WDHD1: variants seen among roughly 807,000 people sequenced by gnomAD.
WDHD1 encodes the protein WD repeat and HMG-box DNA-binding protein 1.
A neutral mutation model predicts 135.4 loss-of-function variants in WDHD1; 111 were observed. The ratio of observed to expected loss-of-function variants is 0.82; its 90% CI spans 0.70 to 0.96. The LOEUF (loss-of-function observed/expected upper bound fraction) is 0.96, where lower values mean the gene tolerates loss of function less well. Ranked by LOEUF, WDHD1 falls within the 40% of genes least tolerant of loss-of-function variation. The pLI is 0.00. For missense variants in WDHD1, 1,351 were observed against 1,336.3 expected (o/e 1.01, Z -0.17); for synonymous variants, 434 against 439.0 (o/e 0.99, Z 0.14).
intron 18 of WDHD1, 93 bp downstream of exon 18, chr14:54,966,382 G>T: frequency 1.4e-6 from 2 of 1,396,804 alleles, no homozygotes; most frequent in Non-Finnish European, 1.9e-6. Flanking sequence ...ATCTTAGGTT[G>T]TGGGACTTAG....
intron 3 of WDHD1, among the ~76,000 whole-genome samples, chr14:55,010,920 CAG>C (rs2042158151): frequency 6.6e-6 from 1 of 152,202 alleles, no homozygotes; most frequent in African/African-American, 2.4e-5. Context: ...GCATCCATGC[CAG>C]AGACTGCAGT....
chr14:54,965,346 T>C (rs904344060), intron 18 of WDHD1, among the ~76,000 whole-genome samples: 2 of 152,122 alleles, frequency 1.3e-5, no homozygotes, highest in South Asian at 4.1e-4. Flanking sequence ...CAAAGATAAA[T>C]GTACTTAAAT....
At chr14:55,024,742 C>T (rs1324961967) in intron 2 of WDHD1, among the ~76,000 whole-genome samples, 6 of 144,800 alleles carry the variant, frequency 4.1e-5, no homozygotes, top group South Asian at 2.4e-4. Flanking sequence ...GGATTAAGGG[C>T]GGTGCAAGAT....
chr14:54,945,836 G>A lies in WDHD1; in HGVS notation c.3051-1366C>T, dbSNP rs1326732983. On this transcript the variant is annotated intron_variant, in intron 24 of 25. Transcript: ENST00000360586. ...TTACAGGCGTGAGCCACTGTGCCTGGCCCAGAGTCTCTTATGTTTAACCCA... is the reference window on the plus strand; with the variant it reads ...TTACAGGCGTGAGCCACTGTGCCTGACCCAGAGTCTCTTATGTTTAACCCA... 3.3e-5 allele frequency among the ~76,000 whole-genome samples: 5 copies of A among 152,252 alleles called. No individual in the cohort carries two copies. The East Asian group carries it at 7.7e-4, about 24-fold the overall frequency.
At chr14:54,956,929 T>C (rs1595064575) in intron 23 of WDHD1, 105 bp downstream of exon 23, 12 of 1,399,712 alleles carry the variant, frequency 8.6e-6, no homozygotes, top group Middle Eastern at 1.9e-4. Context: ...GCAAGACAAT[T>C]GTAAACAATC....
At chr14:54,987,464 T>C (rs755444518) in intron 13 of WDHD1, 77 bp from the exon 14 acceptor site, 34 of 1,300,864 alleles carry the variant, frequency 2.6e-5, no homozygotes, top group Non-Finnish European at 3.4e-5. Context: ...GCAATCATGA[T>C]ATTCAACAAA....
chr14:54,941,818 T>C (rs2040843535), intron 25 of WDHD1, 128 bp from the exon 26 acceptor site: 1 of 760,032 alleles, frequency 1.3e-6, no homozygotes, highest in South Asian at 2.2e-5. Flanking sequence ...TTGAATTAAG[T>C]GTTCTCATTG....
intron 10 of WDHD1, among the ~76,000 whole-genome samples, chr14:54,999,069 C>A (rs117236077): frequency 6.6e-6 from 1 of 152,178 alleles, no homozygotes; most frequent in Non-Finnish European, 1.5e-5. Context: ...TCTCTCTTTA[C>A]GTCTTTTCTC....
chr14:54,944,240 A>G, intron 25 of WDHD1, 92 bp downstream of exon 25: 2 of 1,532,924 alleles, frequency 1.3e-6, no homozygotes, highest in Non-Finnish European at 1.8e-6. Flanking sequence ...TTACAGGCAT[A>G]AGACACCATA....
At chr14:55,015,294 T>C (rs181662781) in intron 2 of WDHD1, among the ~76,000 whole-genome samples, 106 of 141,428 alleles carry the variant, frequency 7.5e-4, no homozygotes, top group Non-Finnish European at 1.1e-3. Context: ...GGCTGAGGCA[T>C]GAGAATCATT....
chr14:54,991,544 G>A (rs895004042), intron 11 of WDHD1, 144 bp from the exon 12 acceptor site: 1 of 791,708 alleles, frequency 1.3e-6, no homozygotes, highest in Non-Finnish European at 1.9e-6. Flanking sequence ...TTAAAGAGAT[G>A]CAGTGATGGT....
rs771946439 is a variant in WDHD1 at position 54,987,250 on chromosome 14, C to T, written c.1664G>A (p.Arg555Gln). ...AAAATSALLL[R>Q]LFTIGGVQKE... ...TTGAACCCCTCCAATAGTAAACAATCGAAGAAGCAGGGCACTAGTAGCGGC... is the reference window on the plus strand; with the variant it reads ...TTGAACCCCTCCAATAGTAAACAATTGAAGAAGCAGGGCACTAGTAGCGGC... The change falls in exon 14 of 26, where the codon CGA becomes CAA. Residue 555 changes from arginine to glutamine, a missense_variant. Arg to Gln is a conservative substitution (Grantham distance 43). Around this residue, in one of 2 missense-constraint regions of WDHD1, gnomAD observed 1,330 missense variants for 1,296.1 expected, o/e 1.03. Transcript: ENST00000360586. The T allele has an allele frequency of 5.6e-6, 9 of 1,613,958 alleles. No individual in the cohort carries two copies. Among genetic ancestry groups the T allele is most frequent in the Non-Finnish European group, 7.6e-6 (9 of 1,180,018 alleles).
At chr14:54,994,282 G>A (rs367956717) in intron 11 of WDHD1, among the ~76,000 whole-genome samples, 19 of 152,074 alleles carry the variant, frequency 1.2e-4, no homozygotes, top group African/African-American at 3.6e-4. Context: ...CAGAAAATTC[G>A]TCTATTTCAT....
intron 7 of WDHD1, chr14:55,005,345 G>A (rs566292785): frequency 5.4e-6 from 3 of 560,652 alleles, no homozygotes; most frequent in Admixed American, 1.9e-5. Context: ...CTCCTAAAAG[G>A]CTGCCTGGAT....
Position 54,983,672 on chromosome 14 carries a change from T to C in WDHD1, c.1906+1051A>G, listed in dbSNP as rs115185521. Among the ~76,000 whole-genome samples, 293 of 131,896 alleles carry C rather than the reference T, an allele frequency of 2.2e-3. 2 individuals carry two copies. The highest frequency in any genetic ancestry group is 9.4e-3 in the African/African-American group (278 of 29,648). 86.5% of individuals were successfully genotyped at this position (131,896 alleles called of 152,430 possible). A position where few individuals can be genotyped will look rare whatever the true frequency, so the allele number is the denominator to read the frequency against. On this transcript the variant is annotated intron_variant, in intron 15 of 25. Transcript: ENST00000360586. ...TGGGCAACAGAGCAAGACTCCTAAT[T>C]TATTCCTTAAAAAAAAAAAAATTTT...
intron 16 of WDHD1, among the ~76,000 whole-genome samples, chr14:54,973,964 G>GTTAAA (rs2041480511): frequency 6.6e-6 from 1 of 151,968 alleles, no homozygotes; most frequent in Non-Finnish European, 1.5e-5. Flanking sequence ...TGTTTTCTCT[G>GTTAAA]TTAAATATCC....
chr14:54,978,339 T>C (rs6572996), intron 16 of WDHD1, among the ~76,000 whole-genome samples: 4,871 of 152,242 alleles, frequency 0.032, 249 homozygotes, highest in African/African-American at 0.11. Flanking sequence ...TCCTAGCACT[T>C]TGGAAGGCTG....
At chr14:54,973,557 C>T (rs79469913) in intron 16 of WDHD1, among the ~76,000 whole-genome samples, 4,848 of 152,188 alleles carry the variant, frequency 0.032, 249 homozygotes, top group African/African-American at 0.11. Flanking sequence ...TATGAGGTGG[C>T]AGTGTGAATA....
intron 2 of WDHD1, among the ~76,000 whole-genome samples, chr14:55,023,738 TA>T (rs2042387568): frequency 6.6e-6 from 1 of 152,230 alleles, no homozygotes; most frequent in African/African-American, 2.4e-5. Flanking sequence ...TACAGTGTTT[TA>T]AGCAGATACA....
Sources: gnomAD v4.1 joint callset for allele counts (sites outside exome capture counted in the v4.1 genomes callset) on GRCh38, gnomAD v4.1.1 for gene constraint, gnomAD v4.1.1 regional missense constraint, MANE v1.5 for transcripts, NCBI Gene and HGNC (gene_info 2026-07-23, HGNC 2026-07-21) for gene names.